Variants in QTMAN observed in about 807,000 individuals in gnomAD.
QTMAN encodes the protein tRNA-queuosine alpha-mannosyltransferase.
the QTMAN span, among the ~76,000 whole-genome samples, chr2:144,019,497 CAAG>C: frequency 8.4e-5 from 11 of 130,596 alleles, no homozygotes; most frequent in South Asian, 2.6e-4. Context: ...TAGTTTTAGA[CAAG>C]AAGAAGGTTG....
At chr2:144,089,363 A>G in the QTMAN span, among the ~76,000 whole-genome samples, 1 of 152,060 alleles carries the variant, frequency 6.6e-6, no homozygotes, top group African/African-American at 2.4e-5. Context: ...AAACTAGTAC[A>G]GCCACTAAAG....
the QTMAN span, among the ~76,000 whole-genome samples, chr2:144,173,549 G>A: frequency 3.3e-5 from 5 of 152,272 alleles, no homozygotes; most frequent in Non-Finnish European, 7.4e-5. Flanking sequence ...GTGTGAGCTT[G>A]ACAGCAAATT....
At chr2:144,307,714 T>C in the QTMAN span, among the ~76,000 whole-genome samples, 4 of 152,352 alleles carry the variant, frequency 2.6e-5, no homozygotes, top group Admixed American at 1.3e-4. Context: ...ATTTTTTAAA[T>C]AGCATTTTCA....
chr2:144,136,234 G>A, the QTMAN span, among the ~76,000 whole-genome samples: 76 of 151,852 alleles, frequency 5.0e-4, 1 homozygote, highest in Admixed American at 4.6e-4. Context: ...GGTAAGATGG[G>A]AGAGTCACTT....
the QTMAN span, among the ~76,000 whole-genome samples, chr2:144,307,310 C>T: frequency 1.4e-4 from 21 of 149,654 alleles, no homozygotes; most frequent in African/African-American, 5.2e-4. Context: ...TAAAAGGGAA[C>T]TTGCTCTACC....
At chr2:143,966,058 A>G in the QTMAN span, among the ~76,000 whole-genome samples, 1 of 151,792 alleles carries the variant, frequency 6.6e-6, no homozygotes, top group Admixed American at 6.6e-5. Context: ...TTTCCTATTC[A>G]TTTCACATGA....
At chr2:144,229,068 T>C in the QTMAN span, among the ~76,000 whole-genome samples, 4 of 152,212 alleles carry the variant, frequency 2.6e-5, no homozygotes, top group African/African-American at 2.4e-5. Flanking sequence ...TTTTTGAATT[T>C]GAAAAGTGTA....
At chr2:144,195,607 G>T in the QTMAN span, among the ~76,000 whole-genome samples, 5 of 152,064 alleles carry the variant, frequency 3.3e-5, no homozygotes, top group Non-Finnish European at 7.4e-5. Flanking sequence ...TTCTAAAACT[G>T]CCACTGTTTC....
chr2:144,028,949 T>C, the QTMAN span, among the ~76,000 whole-genome samples: 1 of 152,186 alleles, frequency 6.6e-6, no homozygotes. Context: ...AGGGTGTCTG[T>C]GTAAAAATTC....
the QTMAN span, among the ~76,000 whole-genome samples, chr2:144,135,931 G>A: frequency 6.6e-6 from 1 of 152,130 alleles, no homozygotes; most frequent in African/African-American, 2.4e-5. Flanking sequence ...GATAAGATAT[G>A]TATGATAAAT....
At chr2:144,211,386 G>A in the QTMAN span, 1 of 152,576 alleles carries the variant, frequency 6.6e-6, no homozygotes, top group African/African-American at 2.4e-5. Flanking sequence ...CCTGCATTTG[G>A]GGTGTTTTTC....
chr2:143,951,054 T>C, the QTMAN span: 2 of 151,600 alleles, frequency 1.3e-5, no homozygotes, highest in Admixed American at 1.3e-4. Context: ...ACTATGTAAA[T>C]ATGTATTTTA....
the QTMAN span, among the ~76,000 whole-genome samples, chr2:143,960,563 GT>G: frequency 2.0e-5 from 3 of 152,018 alleles, no homozygotes; most frequent in East Asian, 5.8e-4. Flanking sequence ...CTTTAGGAGT[GT>G]TTTTAGTCAG....
At chr2:143,995,833 A>G in the QTMAN span, among the ~76,000 whole-genome samples, 1,247 of 152,288 alleles carry the variant, frequency 8.2e-3, 15 homozygotes, top group African/African-American at 0.028. Context: ...AGACTTGAAT[A>G]TCAGCTTCCA....
the QTMAN span, among the ~76,000 whole-genome samples, chr2:143,982,379 C>G: frequency 6.3e-4 from 95 of 151,824 alleles, no homozygotes; most frequent in South Asian, 4.8e-3. Context: ...TACAGGCATG[C>G]ACCACTACGC....
chr2:144,133,236 T>C, the QTMAN span, among the ~76,000 whole-genome samples: 1 of 66,668 alleles, frequency 1.5e-5, no homozygotes, highest in South Asian at 3.6e-4. Context: ...TATATTTATA[T>C]TTATATATAA....
the QTMAN span, among the ~76,000 whole-genome samples, chr2:144,014,527 A>G: frequency 6.6e-6 from 1 of 152,182 alleles, no homozygotes; most frequent in Non-Finnish European, 1.5e-5. Context: ...ATAAGTCAAA[A>G]TTAACAAGCA....
At chr2:144,027,864 T>C in the QTMAN span, among the ~76,000 whole-genome samples, 2 of 152,172 alleles carry the variant, frequency 1.3e-5, no homozygotes, top group Non-Finnish European at 2.9e-5. Context: ...TGATCAACAC[T>C]GATATCAGCT....
chr2:144,142,015 T>C, the QTMAN span: 1 of 1,610,914 alleles, frequency 6.2e-7, no homozygotes, highest in East Asian at 2.2e-5. Flanking sequence ...AATGATTCCA[T>C]ATTAAAAACT....
Sources: gnomAD v4.1 joint callset for allele counts (sites outside exome capture counted in the v4.1 genomes callset) on GRCh38, gnomAD v4.1.1 for gene constraint, MANE v1.5 for transcripts, NCBI Gene and HGNC (gene_info 2026-07-23, HGNC 2026-07-21) for gene names.